The following SDK1 variants were observed in gnomAD, a reference collection of about 807,000 sequenced individuals.
SDK1 encodes the protein protein sidekick-1.
Under a neutral mutation model 245.5 loss-of-function variants are expected in SDK1, and 157 were observed. The ratio of observed to expected loss-of-function variants is 0.64; its 90% CI spans 0.56 to 0.73. The LOEUF is 0.73. Among genes scored for constraint, SDK1 ranks in the 30% least tolerant of loss-of-function variants. SDK1 has a pLI of 0.00. For synonymous variants in SDK1, 1,647 were observed against 1,278.5 expected (o/e 1.29, Z -6.15); for missense variants, 3,583 against 3,002.3 (o/e 1.19, Z -4.52).
At chr7:4,128,231 C>T (rs559451110) in intron 26 of SDK1, among the ~76,000 whole-genome samples, 12 of 152,276 alleles carry the variant, frequency 7.9e-5, no homozygotes, top group Middle Eastern at 6.8e-3. Flanking sequence ...GGGTTTTGAG[C>T]GTGCCTCCTC....
At chr7:4,114,744 G>A (rs1056053263) in intron 25 of SDK1, among the ~76,000 whole-genome samples, 4 of 152,156 alleles carry the variant, frequency 2.6e-5, no homozygotes, top group East Asian at 3.8e-4. Context: ...TAAGGTGGGC[G>A]TTCCTGTTTG....
At chr7:3,700,875 G>A (rs754887933) in intron 4 of SDK1, among the ~76,000 whole-genome samples, 37 of 151,424 alleles carry the variant, frequency 2.4e-4, no homozygotes, top group African/African-American at 7.8e-4. Flanking sequence ...GTGTGCTTCC[G>A]TCAGCTATTC....
intron 1 of SDK1, among the ~76,000 whole-genome samples, chr7:3,340,178 A>T (rs1320811849): frequency 6.6e-6 from 1 of 151,960 alleles, no homozygotes; most frequent in East Asian, 1.9e-4. Context: ...GACAAAATAG[A>T]CAATCAGAAT....
intron 4 of SDK1, among the ~76,000 whole-genome samples, chr7:3,682,822 C>G (rs902707796): frequency 6.6e-6 from 1 of 151,920 alleles, no homozygotes; most frequent in Non-Finnish European, 1.5e-5. Context: ...CACTGCAACC[C>G]CCACTTCCCA....
At chr7:3,749,599 G>A (rs1023045150) in intron 4 of SDK1, among the ~76,000 whole-genome samples, 4 of 152,138 alleles carry the variant, frequency 2.6e-5, no homozygotes, top group Non-Finnish European at 4.4e-5. Context: ...GCGCCCAGCC[G>A]AACATCACCT....
intron 22 of SDK1, among the ~76,000 whole-genome samples, chr7:4,099,176 A>T (rs1489970855): frequency 6.6e-6 from 1 of 151,900 alleles, no homozygotes; most frequent in African/African-American, 2.4e-5. Context: ...GAAGAGAGGA[A>T]TGAAAGGCTC....
intron 5 of SDK1, among the ~76,000 whole-genome samples, chr7:3,852,750 C>CAAAA (rs35116493): frequency 4.6e-4 from 13 of 28,124 alleles, no homozygotes; most frequent in African/African-American, 8.9e-4. Context: ...GACTCCGTCT[C>CAAAA]AAAAAAAAAA....
intron 1 of SDK1, among the ~76,000 whole-genome samples, chr7:3,503,756 A>G (rs1782294980): frequency 6.6e-6 from 1 of 152,226 alleles, no homozygotes; most frequent in Admixed American, 6.5e-5. Context: ...AAAAAGTTCA[A>G]GACTAGTACA....
chr7:3,385,720 A>C (rs1411276524), intron 1 of SDK1, among the ~76,000 whole-genome samples: 5 of 152,150 alleles, frequency 3.3e-5, no homozygotes, highest in African/African-American at 7.2e-5. Context: ...TATAATTCTT[A>C]TCAGACATTT....
intron 20 of SDK1, among the ~76,000 whole-genome samples, chr7:4,071,370 C>T (rs1284637531): frequency 2.0e-5 from 3 of 152,182 alleles, no homozygotes; most frequent in Admixed American, 1.3e-4. Flanking sequence ...CTGGCTCTGC[C>T]TTCCAGAAGC....
chr7:4,135,893 C>T (rs1236944259), intron 28 of SDK1, among the ~76,000 whole-genome samples: 3 of 152,172 alleles, frequency 2.0e-5, no homozygotes, highest in Non-Finnish European at 2.9e-5. Flanking sequence ...CTAGTATTCC[C>T]GTTGCATGCA....
chr7:3,405,696 TAGC>T (rs1430635745), intron 1 of SDK1, among the ~76,000 whole-genome samples: 1 of 152,190 alleles, frequency 6.6e-6, no homozygotes, highest in Non-Finnish European at 1.5e-5. Context: ...GACACAGTAG[TAGC>T]AGGTAGTGAA....
chr7:3,642,235 C>T, intron 4 of SDK1, 130 bp downstream of exon 4: 2 of 758,422 alleles, frequency 2.6e-6, no homozygotes, highest in East Asian at 5.8e-5. Context: ...GGAGTCCTAT[C>T]CTAATTTTTA....
Position 3,967,443 on chromosome 7 carries a change from C to A in SDK1, c.1546+9C>A, listed in dbSNP as rs778888337. ...CATCACCTGGAAAAGAGGTGGGTAGCATCCACTGCCCACAACAGCATGGCC... is the reference window on the plus strand; with the variant it reads ...CATCACCTGGAAAAGAGGTGGGTAGAATCCACTGCCCACAACAGCATGGCC... On this transcript the variant is annotated intron_variant, in intron 10 of 44. Transcript: ENST00000404826. 1.2e-5 allele frequency: 19 copies of A among 1,528,256 alleles called. No homozygotes were observed. The highest frequency in any genetic ancestry group is 1.8e-6 in the Non-Finnish European group (2 of 1,101,688). 94.7% of individuals were successfully genotyped at this position (1,528,256 alleles called of 1,614,324 possible). A position where few individuals can be genotyped will look rare whatever the true frequency, so the allele number is the denominator to read the frequency against.
At chr7:4,061,351 C>A (rs895536946) in intron 19 of SDK1, among the ~76,000 whole-genome samples, 19 of 152,146 alleles carry the variant, frequency 1.2e-4, no homozygotes, top group Non-Finnish European at 7.3e-5. Context: ...TTGAAGAGGT[C>A]CTTCACGTCC....
chr7:3,346,570 G>T, intron 1 of SDK1, among the ~76,000 whole-genome samples: 1 of 150,720 alleles, frequency 6.6e-6, no homozygotes, highest in East Asian at 1.9e-4. Flanking sequence ...CTGGAGCTCA[G>T]TGATGTGATC....
chr7:3,512,192 C>G (rs747577794), intron 1 of SDK1, among the ~76,000 whole-genome samples: 1 of 151,926 alleles, frequency 6.6e-6, no homozygotes, highest in African/African-American at 2.4e-5. Flanking sequence ...TGCAGAATGT[C>G]GTATCATTGG....
intron 17 of SDK1, among the ~76,000 whole-genome samples, chr7:4,019,078 C>T (rs1786660042): frequency 6.6e-6 from 1 of 152,190 alleles, no homozygotes; most frequent in South Asian, 2.1e-4. Flanking sequence ...CCAGTGCCTT[C>T]TGTACAACAG....
intron 5 of SDK1, among the ~76,000 whole-genome samples, chr7:3,925,068 G>T (rs1356718484): frequency 6.6e-6 from 1 of 152,060 alleles, no homozygotes; most frequent in Non-Finnish European, 1.5e-5. Flanking sequence ...TCAATGTCCT[G>T]TTGTAGCTCA....
Sources: gnomAD v4.1 joint callset for allele counts (sites outside exome capture counted in the v4.1 genomes callset) on GRCh38, gnomAD v4.1.1 for gene constraint, MANE v1.5 for transcripts, NCBI Gene and HGNC (gene_info 2026-07-23, HGNC 2026-07-21) for gene names.